B4GALT1: variants seen among roughly 807,000 people sequenced by gnomAD.
B4GALT1 encodes N-acetyllactosamine synthase.
Under a neutral mutation model 34.9 loss-of-function variants are expected in B4GALT1, and 16 were observed. The observed-to-expected ratio is 0.46, with a 90% CI of 0.31 to 0.70. The LOEUF (loss-of-function observed/expected upper bound fraction) is 0.70. Among genes scored for constraint, B4GALT1 ranks in the 30% least tolerant of loss-of-function variants. The probability of loss-of-function intolerance (pLI) is 0.05; values close to 1 mark genes in which losing one functional copy is unlikely to be tolerated. For synonymous variants in B4GALT1, 221 were observed against 218.1 expected (o/e 1.01, Z -0.12); for missense variants, 445 against 530.5 (o/e 0.84, Z 1.58).
At chr9:33,106,885 A>T (rs938376978), downstream of B4GALT1, among the ~76,000 whole-genome samples, 1 of 152,130 alleles carries the variant, frequency 6.6e-6, no homozygotes, top group African/African-American at 2.4e-5. Context: ...GGAGTCAGAG[A>T]CAGCCACACG....
intron 2 of B4GALT1, 36 bp downstream of exon 2, chr9:33,135,153 A>G (rs757136051): frequency 1.6e-5 from 26 of 1,578,998 alleles, no homozygotes; most frequent in Non-Finnish European, 2.6e-6. Context: ...CTGCATGCAC[A>G]CACACCCTCT....
the B4GALT1 span, among the ~76,000 whole-genome samples, chr9:33,181,423 TACACACACACACACACAC>T: frequency 1.5e-5 from 2 of 137,052 alleles, no homozygotes; most frequent in African/African-American, 2.8e-5. Flanking sequence ...GACCCTGTCT[TACACACACACACACACAC>T]ACACACACAC....
chr9:33,136,459 G>A (rs183398284), intron 1 of B4GALT1, among the ~76,000 whole-genome samples: 2 of 152,222 alleles, frequency 1.3e-5, no homozygotes, highest in Admixed American at 6.5e-5. Flanking sequence ...AGACCAGACC[G>A]CCTCAAAATG....
chr9:33,169,123 C>A (rs939761613), upstream of B4GALT1, among the ~76,000 whole-genome samples: 14 of 152,212 alleles, frequency 9.2e-5, no homozygotes, highest in African/African-American at 3.4e-4. Context: ...ACTAATTGGT[C>A]ACCCTGCTTC....
At chr9:33,167,665 G>T (rs1587756576), upstream of B4GALT1, among the ~76,000 whole-genome samples, 3 of 152,386 alleles carry the variant, frequency 2.0e-5, no homozygotes, top group African/African-American at 7.2e-5. Context: ...TTCCTGGGGT[G>T]CGAAGGGACT....
chr9:33,122,158 AT>A lies in B4GALT1; in HGVS notation c.649-1553del, dbSNP rs764720854. ...CTCTACTTTGGGGAAAAAGTGTGTC[AT>A]AGGGGCTTGCGACTGGTACACAATC... On this transcript the variant is annotated intron_variant, in intron 2 of 5. Coordinates refer to ENST00000379731, the MANE Select transcript of B4GALT1 (RefSeq NM_001497.4). Among the ~76,000 whole-genome samples, 741 of 152,244 alleles carry A rather than the reference AT, an allele frequency of 4.9e-3. 1 individual carries two copies. The highest frequency in any genetic ancestry group is 8.3e-3 in the Non-Finnish European group (566 of 68,018).
chr9:33,127,328 G>A (rs113734095), intron 2 of B4GALT1, among the ~76,000 whole-genome samples: 8 of 152,290 alleles, frequency 5.3e-5, no homozygotes, highest in East Asian at 1.9e-4. Flanking sequence ...CCCAGGGCCC[G>A]ACACACTGAA....
chr9:33,104,768 C>A (rs775639630), exon 3 of B4GALT1: 47 of 455,364 alleles, frequency 1.0e-4, no homozygotes, highest in Non-Finnish European at 1.9e-4. Flanking sequence ...CAGGAGTCTT[C>A]TTATTTTTTC....
chr9:33,160,955 C>A (rs147755433), intron 1 of B4GALT1, among the ~76,000 whole-genome samples: 4 of 152,032 alleles, frequency 2.6e-5, no homozygotes, highest in African/African-American at 9.7e-5. Flanking sequence ...ATTATCCCCC[C>A]TCAAAAGGCA....
intron 1 of B4GALT1, among the ~76,000 whole-genome samples, chr9:33,153,708 G>A (rs58458275): frequency 0.09 from 13,717 of 151,866 alleles, 875 homozygotes; most frequent in African/African-American, 0.18. Flanking sequence ...ACTGAATTAG[G>A]AATCAAAAAG....
At chr9:33,146,832 T>A (rs569237440) in intron 1 of B4GALT1, among the ~76,000 whole-genome samples, 1 of 152,270 alleles carries the variant, frequency 6.6e-6, no homozygotes, top group South Asian at 2.1e-4. Flanking sequence ...TACCTGGGAA[T>A]ATAGGTGCAT....
chr9:33,122,837 A>G (rs1007332071), intron 2 of B4GALT1, among the ~76,000 whole-genome samples: 1 of 152,102 alleles, frequency 6.6e-6, no homozygotes, highest in Admixed American at 6.5e-5. Context: ...TGTGTAAGTC[A>G]TGGGTTCAAA....
intron 1 of B4GALT1, among the ~76,000 whole-genome samples, chr9:33,143,287 C>G (rs1840379957): frequency 6.6e-6 from 1 of 152,214 alleles, no homozygotes; most frequent in African/African-American, 2.4e-5. Context: ...TGCTCAGAAA[C>G]AGTCCTGCCA....
chr9:33,149,564 CAT>C (rs1840480533), intron 1 of B4GALT1, among the ~76,000 whole-genome samples: 1 of 152,228 alleles, frequency 6.6e-6, no homozygotes, highest in Non-Finnish European at 1.5e-5. Flanking sequence ...GGATTACAGA[CAT>C]GAGCTACTAC....
downstream of B4GALT1, chr9:33,108,880 T>C (rs1839824075): frequency 6.6e-6 from 1 of 150,696 alleles, no homozygotes; most frequent in South Asian, 2.1e-4. Context: ...TCCTGAGCAA[T>C]AGGAGAATTT....
intron 2 of B4GALT1, among the ~76,000 whole-genome samples, chr9:33,132,603 C>G (rs949723888): frequency 6.6e-6 from 1 of 152,246 alleles, no homozygotes; most frequent in Admixed American, 6.5e-5. Flanking sequence ...GTTGTTCCAT[C>G]TACTCGGATT....
intron 1 of B4GALT1, among the ~76,000 whole-genome samples, chr9:33,145,775 C>G (rs1840416636): frequency 6.6e-6 from 1 of 152,228 alleles, no homozygotes; most frequent in African/African-American, 2.4e-5. Flanking sequence ...AGCACACGTG[C>G]CTTTACTGTC....
rs60412289 is a variant in B4GALT1, at chr9:33,134,149, G to A, written c.648+1040C>T. Among the ~76,000 whole-genome samples the A allele has an allele frequency of 7.9e-4, 120 of 152,308 alleles. 2 individuals carry two copies. In the East Asian group the frequency reaches 0.022, roughly 27 times the overall value. Reference sequence around the variant, plus strand: ...CCTTACACTTCTTCAGAATCTCCCTGCAGCAAGTGATGCAGCACAATGCCA... The same window carrying A: ...CCTTACACTTCTTCAGAATCTCCCTACAGCAAGTGATGCAGCACAATGCCA... On this transcript the variant is annotated intron_variant, in intron 2 of 5. Transcript: ENST00000379731.
the B4GALT1 span, among the ~76,000 whole-genome samples, chr9:33,185,059 G>C: frequency 1.3e-5 from 2 of 152,142 alleles, no homozygotes; most frequent in East Asian, 3.9e-4. Flanking sequence ...TGTTGATACT[G>C]CTTGACCCCA....
Sources: allele counts gnomAD v4.1 joint callset (sites outside exome capture counted in the v4.1 genomes callset), GRCh38; gene constraint gnomAD v4.1.1; transcripts MANE v1.5; gene names NCBI Gene and HGNC (gene_info 2026-07-23, HGNC 2026-07-21).